ADGRD1: variants seen among roughly 807,000 people sequenced by gnomAD.
ADGRD1 encodes G-protein coupled receptor 133.
Under a neutral mutation model 113.4 loss-of-function variants are expected in ADGRD1, and 77 were observed. That is an observed-to-expected ratio of 0.68 (90% CI 0.57 to 0.82). The LOEUF is 0.82. Among genes scored for constraint, ADGRD1 ranks in the 40% least tolerant of loss-of-function variants. ADGRD1 has a pLI of 0.00. For missense variants in ADGRD1, 1,036 were observed against 1,139.1 expected, an observed-to-expected ratio of 0.91 and a Z score of 1.30; for synonymous variants, 474 against 475.0, an observed-to-expected ratio of 1.00 and a Z score of 0.03.
At chr12:131,000,908 A>T (rs1369662475) in intron 9 of ADGRD1, among the ~76,000 whole-genome samples, 1 of 152,202 alleles carries the variant, frequency 6.6e-6, no homozygotes, top group African/African-American at 2.4e-5. Context: ...CTGGGATATA[A>T]GAGCTCATTT....
intron 12 of ADGRD1, among the ~76,000 whole-genome samples, chr12:131,013,521 G>A (rs536580860): frequency 2.0e-5 from 3 of 152,160 alleles, no homozygotes; most frequent in Non-Finnish European, 2.9e-5. Flanking sequence ...TGGATTGGGT[G>A]TCATTCCTAA....
intron 13 of ADGRD1, among the ~76,000 whole-genome samples, chr12:131,065,147 G>T (rs576777718): frequency 6.6e-6 from 1 of 152,172 alleles, no homozygotes; most frequent in East Asian, 1.9e-4. Flanking sequence ...CCACACTGAT[G>T]CCATAAACAT....
chr12:131,106,621 G>A (rs1236577002), intron 17 of ADGRD1, among the ~76,000 whole-genome samples: 1 of 152,218 alleles, frequency 6.6e-6, no homozygotes, highest in African/African-American at 2.4e-5. Context: ...TTGGCCAACA[G>A]AAGATGAACG....
At chr12:131,004,326 G>A (rs760220492) in intron 11 of ADGRD1, 30 bp downstream of exon 11, 63 of 1,483,646 alleles carry the variant, frequency 4.2e-5, no homozygotes, top group Non-Finnish European at 5.6e-5. Context: ...ACTCCCTTCC[G>A]GGGCGGCTCC....
At chr12:131,121,413 T>C (rs949051037) in intron 20 of ADGRD1, among the ~76,000 whole-genome samples, 1 of 152,086 alleles carries the variant, frequency 6.6e-6, no homozygotes, top group South Asian at 2.1e-4. Context: ...TGAGACGGAG[T>C]CTCACTTTGT....
chr12:131,107,501 G>A (rs12830521), intron 17 of ADGRD1, among the ~76,000 whole-genome samples: 27,863 of 139,110 alleles, frequency 0.2, 3,152 homozygotes, highest in African/African-American at 0.33. Context: ...ACCCGTGTCT[G>A]AATCCCAGGG....
At chr12:130,961,556 C>T (rs1179689542) in intron 2 of ADGRD1, among the ~76,000 whole-genome samples, 2 of 152,018 alleles carry the variant, frequency 1.3e-5, no homozygotes, top group African/African-American at 4.8e-5. Flanking sequence ...CCTAAGAAGA[C>T]GTTTAGTCTT....
At chr12:131,016,926 T>C (rs910073684) in intron 13 of ADGRD1, among the ~76,000 whole-genome samples, 3 of 149,682 alleles carry the variant, frequency 2.0e-5, no homozygotes, top group African/African-American at 7.4e-5. Context: ...GCAGGAGGCT[T>C]GTTCTGAAGG....
At position 131,120,850 on chromosome 12, in the gene ADGRD1, C is replaced by T. The variant is rs753168489; in HGVS notation, c.2112C>T (p.Cys704=). Residue 704 remains cysteine, a synonymous_variant, in exon 20 of 25, where the codon TGC becomes TGT. Transcript: ENST00000261654. The part of the protein sequence containing the change: ...AMDSYGTSNN[C]WLSLASGAIW... ...ACGGCTCTGCTTCCCTCCGCAGTTG[C>T]TGGCTGTCGTTGGCGAGTGGCGCCA... 6.2e-7 allele frequency: 1 copy of T among 1,614,242 alleles called. No individual in the cohort carries two copies. The highest frequency in any genetic ancestry group is 8.5e-7 in the Non-Finnish European group (1 of 1,180,032).
chr12:131,072,066 T>C (rs1199947909), intron 13 of ADGRD1, among the ~76,000 whole-genome samples: 1 of 149,796 alleles, frequency 6.7e-6, no homozygotes, highest in African/African-American at 2.5e-5. Flanking sequence ...CAATTCAGAG[T>C]ACTTTCTTTT....
chr12:131,077,680 G>A (rs1885742643), intron 14 of ADGRD1, among the ~76,000 whole-genome samples: 1 of 152,152 alleles, frequency 6.6e-6, no homozygotes, highest in Non-Finnish European at 1.5e-5. Context: ...GTTCCATGTG[G>A]GATGCAGGTT....
intron 17 of ADGRD1, among the ~76,000 whole-genome samples, chr12:131,107,089 T>C (rs1383295766): frequency 2.0e-5 from 3 of 152,170 alleles, no homozygotes; most frequent in Admixed American, 2.0e-4. Context: ...TCCCAGCTGG[T>C]GGCCCTAGGG....
At chr12:130,959,705 A>G (rs1322135710) in intron 2 of ADGRD1, among the ~76,000 whole-genome samples, 1 of 152,204 alleles carries the variant, frequency 6.6e-6, no homozygotes, top group East Asian at 1.9e-4. Flanking sequence ...GGCTTGTATT[A>G]CCTGGTTTGC....
At chr12:131,064,730 T>C (rs566536061) in intron 13 of ADGRD1, among the ~76,000 whole-genome samples, 2 of 152,262 alleles carry the variant, frequency 1.3e-5, no homozygotes, top group Non-Finnish European at 2.9e-5. Context: ...ACCCTTTCGC[T>C]ACTCAAGTGA....
chr12:131,032,036 C>T, intron 13 of ADGRD1, among the ~76,000 whole-genome samples: 1 of 152,180 alleles, frequency 6.6e-6, no homozygotes, highest in Non-Finnish European at 1.5e-5. Context: ...TGCCGCTGTG[C>T]CCCACAGATA....
chr12:131,063,854 A>G (rs1884523007), intron 13 of ADGRD1, among the ~76,000 whole-genome samples: 1 of 152,240 alleles, frequency 6.6e-6, no homozygotes, highest in African/African-American at 2.4e-5. Flanking sequence ...GAATTACATT[A>G]AGACTGTATA....
At chr12:131,017,784 CACACACCCAACACAG>C (rs1053155545) in intron 13 of ADGRD1, among the ~76,000 whole-genome samples, 3 of 151,358 alleles carry the variant, frequency 2.0e-5, no homozygotes, top group Admixed American at 2.0e-4. Flanking sequence ...ACTCAGTACA[CACACACCCAACACAG>C]ACACACCCAG....
At chr12:131,098,693 C>T (rs1250368149) in intron 15 of ADGRD1, among the ~76,000 whole-genome samples, 2 of 152,212 alleles carry the variant, frequency 1.3e-5, no homozygotes, top group Non-Finnish European at 2.9e-5. Flanking sequence ...CTTCCCTCTG[C>T]AGTCACCTCC....
chr12:130,981,246 G>C (rs1872952280), intron 4 of ADGRD1: 1 of 151,950 alleles, frequency 6.6e-6, no homozygotes, highest in South Asian at 2.1e-4. Context: ...CCAGCAACAG[G>C]GGATTGCTGT....
Sources: allele counts gnomAD v4.1 joint callset (sites outside exome capture counted in the v4.1 genomes callset), GRCh38; gene constraint gnomAD v4.1.1; transcripts MANE v1.5; gene names NCBI Gene and HGNC (gene_info 2026-07-23, HGNC 2026-07-21).